ATR: variants seen among roughly 807,000 people sequenced by gnomAD.
ATR encodes the protein ATR checkpoint kinase, also known as serine/threonine-protein kinase ATR.
A neutral mutation model predicts 305.3 loss-of-function variants in ATR; 142 were observed. That is an observed-to-expected ratio of 0.47 (90% CI 0.41 to 0.53). ATR has a LOEUF of 0.53. Ranked by LOEUF, ATR falls within the 20% of genes least tolerant of loss-of-function variation. The pLI is 0.00. For missense variants in ATR, 2,135 were observed against 3,133.1 expected (o/e 0.68, Z 7.60); for synonymous variants, 1,050 against 1,068.1 (o/e 0.98, Z 0.33).
In ATR at chr3:142,449,804, A is replaced by G. The variant is rs534853311; in HGVS notation, c.7762-202T>C. ...TTTGGAGGCTCGCAAGATTGATTCA[A>G]CATCAACTGCTTGGACATGTTTCTG... On this transcript the variant is annotated intron_variant, in intron 46 of 46. Transcript: ENST00000350721. 3 of 590,034 alleles carry G rather than the reference A, an allele frequency of 5.1e-6. No homozygotes were observed. The East Asian group carries it at 8.8e-5, about 17-fold the overall frequency. The allele number at this position is 590,034 out of a possible 1,614,324, so 36.5% of individuals were successfully genotyped here.
In ATR at chr3:142,513,639, C is replaced by T. The variant is rs910635641; in HGVS notation, c.4504-1G>A. 2 of 1,613,358 alleles carry T rather than the reference C, an allele frequency of 1.2e-6. No individual in the cohort carries two copies. The highest frequency in any genetic ancestry group is 1.7e-6 in the Non-Finnish European group (2 of 1,179,542). On this transcript the variant is annotated splice_acceptor_variant, in intron 25 of 46. Coordinates refer to ENST00000350721, the MANE Select transcript of ATR (RefSeq NM_001184.4). LOFTEE classifies it high-confidence loss of function. ...TTTTACTGGCAAGATCATGTCGAAC[C>T]TGTAAATGCAAAATGTGTAGACAGT...
rs34820399 is a variant in ATR at position 142,555,708 on chromosome 3, T to C, written c.2341+169A>G. ...ATCACCTCTCCTACCAGTTTTGTGATGCGATCTAATACCAGTTATCCCATT... is the reference window on the plus strand; with the variant it reads ...ATCACCTCTCCTACCAGTTTTGTGACGCGATCTAATACCAGTTATCCCATT... On this transcript the variant is annotated intron_variant, in intron 10 of 46. Transcript: ENST00000350721. Among the ~76,000 whole-genome samples the C allele has an allele frequency of 9.1e-3, 1,386 of 152,348 alleles. 14 individuals carry two copies. Among genetic ancestry groups the C allele is most frequent in the Admixed American group, 0.014 (212 of 15,310 alleles).
chr3:142,481,385 C>T (rs961652001), intron 36 of ATR, among the ~76,000 whole-genome samples: 1 of 152,180 alleles, frequency 6.6e-6, no homozygotes, highest in Non-Finnish European at 1.5e-5. Context: ...ACCATCCTTG[C>T]ATTCTGGAGT....
At position 142,512,573 on chromosome 3, in the gene ATR, A is replaced by G. The variant is rs928488988; in HGVS notation, c.4642-103T>C. The G allele has an allele frequency of 1.5e-5, 15 of 1,007,500 alleles. No homozygotes were observed. The Admixed American group carries it at 4.0e-4, about 27-fold the overall frequency. The allele number at this position is 1,007,500 out of a possible 1,614,324, so 62.4% of individuals were successfully genotyped here. On this transcript the variant is annotated intron_variant, in intron 26 of 46. Coordinates refer to ENST00000350721, the MANE Select transcript of ATR (RefSeq NM_001184.4). ...TTCTAAGGCAAAAATTTTCAAAAGA[A>G]AAAACACAATTGGCCAGGCATGTTG...
intron 36 of ATR, among the ~76,000 whole-genome samples, chr3:142,481,997 A>AT (rs1377060699): frequency 2.7e-5 from 4 of 149,654 alleles, no homozygotes; most frequent in Admixed American, 1.3e-4. Flanking sequence ...TAATTTTTGT[A>AT]TTTTTTTTGG....
At chr3:142,483,380 G>A (rs2030668247) in intron 36 of ATR, among the ~76,000 whole-genome samples, 1 of 151,780 alleles carries the variant, frequency 6.6e-6, no homozygotes, top group African/African-American at 2.4e-5. Context: ...GATTATACTT[G>A]ACTATAATAC....
chr3:142,459,243 G>A lies in ATR; in HGVS notation c.7333C>T (p.Pro2445Ser), dbSNP rs2108261347. ...GTAACTTACCATGATGTAGGATCAG[G>A]GAATGTTCTCAGAAACCACTCATGA... is the stretch of plus-strand genomic sequence containing the variant. Reference protein sequence around the residue: ...IFHEWFLRTFPDPTSWYSSRS... With the variant: ...IFHEWFLRTFSDPTSWYSSRS... The change falls in exon 43 of 47, where the codon CCT (proline) becomes TCT (serine). Residue 2445 changes from proline (P) to serine (S), a missense_variant. By Grantham distance (74) the Pro-to-Ser change is moderately conservative. Transcript: ENST00000350721. The A allele has an allele frequency of 6.2e-7, 1 of 1,613,876 alleles. No individual in the cohort carries two copies. The highest frequency in any genetic ancestry group is 8.5e-7 in the Non-Finnish European group (1 of 1,179,870).
intron 46 of ATR, chr3:142,449,950 G>A: frequency 2.7e-6 from 1 of 364,806 alleles, no homozygotes; most frequent in Non-Finnish European, 5.2e-6. Flanking sequence ...TAACAATGCT[G>A]TACTGCCTAA....
At chr3:142,479,134 T>C (rs1193370014) in intron 36 of ATR, among the ~76,000 whole-genome samples, 4 of 152,096 alleles carry the variant, frequency 2.6e-5, no homozygotes, top group Admixed American at 6.5e-5. Context: ...CTCAGTATGA[T>C]GTTAGCTGGT....
intron 21 of ATR, among the ~76,000 whole-genome samples, chr3:142,525,016 A>G (rs753636272): frequency 1.3e-5 from 2 of 152,230 alleles, no homozygotes; most frequent in African/African-American, 2.4e-5. Context: ...ACTGTAATAC[A>G]TTTCAAAAGA....
chr3:142,459,436 C>T (rs1387555145), intron 42 of ATR, 53 bp from the exon 43 acceptor site: 1 of 1,601,142 alleles, frequency 6.2e-7, no homozygotes, highest in Non-Finnish European at 8.5e-7. Context: ...AAAAAAGGGG[C>T]AAAGTTTTTT....
intron 14 of ATR, 37 bp from the exon 15 acceptor site, chr3:142,549,710 T>A (rs2034405958): frequency 6.3e-7 from 1 of 1,588,246 alleles, no homozygotes; most frequent in African/African-American, 1.3e-5. Flanking sequence ...AAAGTACATT[T>A]GTCTGGGTGA....
intron 21 of ATR, among the ~76,000 whole-genome samples, chr3:142,524,622 A>G (rs1310959432): frequency 6.6e-6 from 1 of 152,214 alleles, no homozygotes; most frequent in Non-Finnish European, 1.5e-5. Flanking sequence ...TTTAAAGGAC[A>G]GTGGACAGAT....
At chr3:142,501,869 C>T (rs960547837) in intron 30 of ATR, among the ~76,000 whole-genome samples, 2 of 152,068 alleles carry the variant, frequency 1.3e-5, no homozygotes, top group Non-Finnish European at 2.9e-5. Flanking sequence ...CTCAGTCTCC[C>T]GAGTAGCTGG....
At chr3:142,454,176 T>TG (rs1340466664) in intron 45 of ATR, among the ~76,000 whole-genome samples, 1 of 152,204 alleles carries the variant, frequency 6.6e-6, no homozygotes, top group East Asian at 1.9e-4. Flanking sequence ...CTGGAATACA[T>TG]ACTGTATTTC....
chr3:142,552,239 A>T (rs2034495436), intron 13 of ATR, among the ~76,000 whole-genome samples: 1 of 152,198 alleles, frequency 6.6e-6, no homozygotes, highest in East Asian at 1.9e-4. Context: ...GCAACTCCTC[A>T]AAGACCTAGA....
chr3:142,482,387 A>G (rs926625750), intron 36 of ATR, among the ~76,000 whole-genome samples: 17 of 152,238 alleles, frequency 1.1e-4, no homozygotes, highest in African/African-American at 4.1e-4. Flanking sequence ...GGTACTTTAA[A>G]AATACTCACT....
chr3:142,517,379 T>C (rs189845294), intron 24 of ATR, among the ~76,000 whole-genome samples: 1 of 150,008 alleles, frequency 6.7e-6, no homozygotes, highest in Non-Finnish European at 1.5e-5. Context: ...AAGTAGGGAG[T>C]ATAACTTAAA....
chr3:142,523,279 G>A (rs1485130685), intron 22 of ATR, among the ~76,000 whole-genome samples: 2 of 152,044 alleles, frequency 1.3e-5, no homozygotes, highest in Non-Finnish European at 2.9e-5. Flanking sequence ...AATTAGCCAG[G>A]CGTGGTGGTG....
Sources: allele counts gnomAD v4.1 joint callset (sites outside exome capture counted in the v4.1 genomes callset), GRCh38; gene constraint gnomAD v4.1.1; transcripts MANE v1.5; gene names NCBI Gene and HGNC (gene_info 2026-07-23, HGNC 2026-07-21).